Variants in OR8D4 observed in about 807,000 individuals in gnomAD.
OR8D4 encodes olfactory receptor 8D4.
For missense variants in OR8D4, 359 were observed against 372.6 expected, an observed-to-expected ratio of 0.96 and a Z score of 0.30; for synonymous variants, 141 against 134.8, an observed-to-expected ratio of 1.05 and a Z score of -0.32.
Position 123,906,942 on chromosome 11 carries a change from T to C in OR8D4, c.511T>C (p.Ser171Pro). 6.2e-7 allele frequency: 1 copy of C among 1,614,112 alleles called. No homozygotes were observed. The highest frequency in any genetic ancestry group is 8.5e-7 in the Non-Finnish European group (1 of 1,179,974). Residue 171 changes from serine (S) to proline (P), a missense_variant, in exon 2 of 2, where the codon TCA becomes CCA. By Grantham distance (74) the Ser-to-Pro change is moderately conservative. Transcript: ENST00000641687. ...TATACTCAGGTTGTCTTTCTGTGGA[T>C]CAAACATCATTAAACATTATTTCTG... ...GCILRLSFCG[S>P]NIIKHYFCDI...
chr11:123,905,035 G>A (rs1377603), intron 1 of OR8D4, among the ~76,000 whole-genome samples: 111,868 of 152,092 alleles, frequency 0.74, 41,497 homozygotes, highest in African/African-American at 0.81. Context: ...CTATGTGGGA[G>A]CCTCCAAGTG....
intron 1 of OR8D4, among the ~76,000 whole-genome samples, chr11:123,904,809 G>C (rs1477326029): frequency 6.6e-6 from 1 of 152,186 alleles, no homozygotes; most frequent in Non-Finnish European, 1.5e-5. Flanking sequence ...TCCTATTACA[G>C]CAGTAATATA....
At position 123,906,722 on chromosome 11, in the gene OR8D4, C is replaced by A; in HGVS notation, c.291C>A (p.Cys97Ter). 1 of 1,613,900 alleles carries A rather than the reference C, an allele frequency of 6.2e-7. No homozygotes were observed. Among genetic ancestry groups the A allele is most frequent in the Non-Finnish European group, 8.5e-7 (1 of 1,179,890 alleles). The change falls in exon 2 of 2, where the codon TGC becomes TGA. Residue 97 changes from cysteine to a stop codon, truncating the protein, a stop_gained. Transcript: ENST00000641687. LOFTEE classifies it low-confidence loss of function (END_TRUNC). Reference sequence around the variant, plus strand: ...ATAGATCCATCTCCTATTCTGGATGCATGATTCAGCTGTTTTTTTTCTGTG... The same window carrying A: ...ATAGATCCATCTCCTATTCTGGATGAATGATTCAGCTGTTTTTTTTCTGTG... ...CRDRSISYSGCMIQLFFFCVC... is the reference protein window; with the variant it reads ...CRDRSISYSG
At chr11:123,903,492 A>C (rs1447307471) in intron 1 of OR8D4, among the ~76,000 whole-genome samples, 1 of 152,174 alleles carries the variant, frequency 6.6e-6, no homozygotes, top group Non-Finnish European at 1.5e-5. Flanking sequence ...TTTTAATAAT[A>C]CTGTGAGATG....
rs1863219862 is a variant in OR8D4 at position 123,907,924 on chromosome 11, T to C, written c.*548T>C. 6.6e-6 allele frequency: 1 copy of C among 152,090 alleles called. No homozygotes were observed. The highest frequency in any genetic ancestry group is 2.4e-5 in the African/African-American group (1 of 41,402). The allele number at this position is 152,090 out of a possible 1,614,324, so 9.4% of individuals were successfully genotyped here. A position where few individuals can be genotyped will look rare whatever the true frequency, so the allele number is the denominator to read the frequency against. ...TACCTTTGCTGGGATTGAACAACAA[T>C]TTTTATCTTTAGTTTCCTGAATCCA... On this transcript the variant is annotated 3_prime_UTR_variant, in exon 2 of 2. Transcript: ENST00000641687.
Position 123,907,484 on chromosome 11 carries a change from C to A in OR8D4, c.*108C>A. 1 of 558,770 alleles carries A rather than the reference C, an allele frequency of 1.8e-6. No homozygotes were observed. The highest frequency in any genetic ancestry group is 3.1e-6 in the Non-Finnish European group (1 of 324,132). The allele number at this position is 558,770 out of a possible 1,614,324, so 34.6% of individuals were successfully genotyped here. A position where few individuals can be genotyped will look rare whatever the true frequency, so the allele number is the denominator to read the frequency against. ...TTTGAGGTCCAGGTACGGTGACTTACGCCTGTAATCCCAGCACTTTGGGAG... is the reference window on the plus strand; with the variant it reads ...TTTGAGGTCCAGGTACGGTGACTTAAGCCTGTAATCCCAGCACTTTGGGAG... On this transcript the variant is annotated 3_prime_UTR_variant, in exon 2 of 2. Coordinates refer to ENST00000641687, the MANE Select transcript of OR8D4 (RefSeq NM_001005197.2).
chr11:123,904,659 C>T (rs1009988321), intron 1 of OR8D4, among the ~76,000 whole-genome samples: 88 of 152,166 alleles, frequency 5.8e-4, no homozygotes, highest in African/African-American at 2.1e-3. Context: ...GACACAGGTT[C>T]TGAAGAATGG....
intron 1 of OR8D4, 114 bp downstream of exon 1, chr11:123,902,371 C>T (rs1027715807): frequency 4.6e-5 from 7 of 152,106 alleles, no homozygotes; most frequent in African/African-American, 1.7e-4. Flanking sequence ...CACTGAGTCA[C>T]AGAAGTTTAG....
chr11:123,903,077 G>T (rs186516439), intron 1 of OR8D4, among the ~76,000 whole-genome samples: 1 of 151,904 alleles, frequency 6.6e-6, no homozygotes, highest in East Asian at 1.9e-4. Flanking sequence ...TACTGAATAT[G>T]TACAGACATT....
At position 123,906,990 on chromosome 11, in the gene OR8D4, C is replaced by T. The variant is rs780833332; in HGVS notation, c.559C>T (p.Leu187Phe). The T allele has an allele frequency of 1.2e-6, 2 of 1,614,028 alleles. No homozygotes were observed. Among genetic ancestry groups the T allele is most frequent in the Non-Finnish European group, 1.7e-6 (2 of 1,179,914 alleles). ...CTGTGACATTGTCCCTCTTATTAAA[C>T]TCTCCTGCTCCAGCACTTATATTGA... ...YFCDIVPLIK[L>F]SCSSTYIDEL... Residue 187 changes from leucine (L) to phenylalanine (F), a missense_variant, in exon 2 of 2, where the codon CTC becomes TTC. By Grantham distance (22) the Leu-to-Phe change is conservative. Transcript: ENST00000641687.
intron 1 of OR8D4, among the ~76,000 whole-genome samples, chr11:123,905,753 G>A (rs954824746): frequency 6.6e-6 from 1 of 152,164 alleles, no homozygotes; most frequent in African/African-American, 2.4e-5. Context: ...AGGGGAGTCA[G>A]GCTGGTGGGA....
chr11:123,907,514 A>G lies in OR8D4; in HGVS notation c.*138A>G. On this transcript the variant is annotated 3_prime_UTR_variant, in exon 2 of 2. Transcript: ENST00000641687. Reference sequence around the variant, plus strand: ...GTAATCCCAGCACTTTGGGAGGCCGAGTTGGGTGGATCACGAGGTCCGGTG... The same window carrying G: ...GTAATCCCAGCACTTTGGGAGGCCGGGTTGGGTGGATCACGAGGTCCGGTG... 1 of 467,092 alleles carries G rather than the reference A, an allele frequency of 2.1e-6. No individual in the cohort carries two copies. Among genetic ancestry groups the G allele is most frequent in the Non-Finnish European group, 3.8e-6 (1 of 263,912 alleles). 28.9% of individuals were successfully genotyped at this position (467,092 alleles called of 1,614,324 possible).
intron 1 of OR8D4, among the ~76,000 whole-genome samples, chr11:123,905,479 A>G (rs926158921): frequency 6.6e-6 from 1 of 152,200 alleles, no homozygotes; most frequent in African/African-American, 2.4e-5. Context: ...GTCTGAAGTC[A>G]TATGATCCTC....
chr11:123,904,141 TG>T (rs1863181900), intron 1 of OR8D4, among the ~76,000 whole-genome samples: 2 of 152,170 alleles, frequency 1.3e-5, no homozygotes, highest in African/African-American at 2.4e-5. Context: ...AAAAAATCTC[TG>T]AGTGATACTG....
chr11:123,902,768 A>G (rs989129122), intron 1 of OR8D4, among the ~76,000 whole-genome samples: 3 of 152,114 alleles, frequency 2.0e-5, no homozygotes, highest in African/African-American at 7.2e-5. Context: ...GATTTGAAAG[A>G]TTTAGGGAAA....
In OR8D4 at chr11:123,907,053, G is replaced by A. The variant is rs767210942; in HGVS notation, c.622G>A (p.Val208Met). The change falls in exon 2 of 2, where the codon GTG becomes ATG. Residue 208 changes from valine to methionine, a missense_variant. Physicochemically the swap from Val to Met is conservative, Grantham distance 21. Coordinates refer to ENST00000641687, the MANE Select transcript of OR8D4 (RefSeq NM_001005197.2). ...LIFVIGGFNM[V>M]ATSLTIIISY... ...TTTTGTCATTGGTGGATTTAACATG[G>A]TGGCCACAAGCCTAACAATCATTAT... 3.7e-6 allele frequency: 6 copies of A among 1,613,918 alleles called. No homozygotes were observed. The South Asian group carries it at 5.5e-5, about 15-fold the overall frequency.
At position 123,906,547 on chromosome 11, in the gene OR8D4, T is replaced by C. The variant is rs1347679519; in HGVS notation, c.116T>C (p.Val39Ala). ...TTCTTAGGAATTTACACAGTTACTG[T>C]GGTGGGAAACCTCAGCATGATCTCA... is the stretch of plus-strand genomic sequence containing the variant. ...CLFLGIYTVT[V>A]VGNLSMISII... The change falls in exon 2 of 2, where the codon GTG becomes GCG. Residue 39 changes from valine to alanine, a missense_variant. Physicochemically the swap from Val to Ala is moderately conservative, Grantham distance 64. Coordinates refer to ENST00000641687, the MANE Select transcript of OR8D4 (RefSeq NM_001005197.2). 6.2e-7 allele frequency: 1 copy of C among 1,613,718 alleles called. No individual in the cohort carries two copies. Among genetic ancestry groups the C allele is most frequent in the Non-Finnish European group, 8.5e-7 (1 of 1,179,768 alleles).
In OR8D4 at chr11:123,906,911, A is replaced by T; in HGVS notation, c.480A>T (p.Gly160=). The change falls in exon 2 of 2, where the codon GGA becomes GGT. Residue 160 remains glycine, a synonymous_variant. Transcript: ENST00000641687. ...GTTTCACTGATGCTGTGATCCATGG[A>T]GGTTGTATACTCAGGTTGTCTTTCT... ...SVGFTDAVIH[G]GCILRLSFCG... 1 of 1,613,904 alleles carries T rather than the reference A, an allele frequency of 6.2e-7. No homozygotes were observed. The highest frequency in any genetic ancestry group is 8.5e-7 in the Non-Finnish European group (1 of 1,179,876).
At chr11:123,903,766 G>T (rs11219340) in intron 1 of OR8D4, among the ~76,000 whole-genome samples, 25,892 of 152,116 alleles carry the variant, frequency 0.17, 2,559 homozygotes, top group Admixed American at 0.3. Flanking sequence ...AATACAATTT[G>T]TTGCAATAAT....
Sources: allele counts gnomAD v4.1 joint callset (sites outside exome capture counted in the v4.1 genomes callset), GRCh38; gene constraint gnomAD v4.1.1; transcripts MANE v1.5; gene names NCBI Gene and HGNC (gene_info 2026-07-23, HGNC 2026-07-21).